The following RALY variants were observed in gnomAD, a reference collection of about 807,000 sequenced individuals.
RALY encodes RNA-binding protein Raly.
RALY carries 15 observed loss-of-function variants against 30.7 expected under a neutral mutation model. The observed-to-expected ratio is 0.49, with a 90% confidence interval of 0.33 to 0.75. The LOEUF is 0.75. Ranked by LOEUF, RALY falls within the 30% of genes least tolerant of loss-of-function variation. The pLI, the probability that RALY is intolerant of heterozygous loss-of-function variation, is 0.02. For missense variants in RALY, 339 were observed against 414.3 expected, an observed-to-expected ratio of 0.82 and a Z score of 1.58; for synonymous variants, 177 against 170.8, an observed-to-expected ratio of 1.04 and a Z score of -0.28.
chr20:34,020,913 A>T (rs1158537007), intron 1 of RALY, among the ~76,000 whole-genome samples: 1 of 152,090 alleles, frequency 6.6e-6, no homozygotes, highest in Admixed American at 6.6e-5. Flanking sequence ...GCTCAAAACT[A>T]TAAAAATCAA....
At chr20:34,007,534 C>G (rs1456138629) in intron 1 of RALY, among the ~76,000 whole-genome samples, 10 of 149,990 alleles carry the variant, frequency 6.7e-5, no homozygotes, top group Admixed American at 6.6e-4. Flanking sequence ...AAAAACAAAA[C>G]AAAAGCCAGG....
intron 1 of RALY, among the ~76,000 whole-genome samples, chr20:34,029,010 T>A (rs2032160621): frequency 1.3e-5 from 2 of 151,998 alleles, no homozygotes; most frequent in African/African-American, 4.8e-5. Context: ...TCTGGCTGTG[T>A]GGGTCTAATG....
At chr20:34,033,907 C>T (rs935029136) in intron 2 of RALY, among the ~76,000 whole-genome samples, 2 of 152,172 alleles carry the variant, frequency 1.3e-5, no homozygotes, top group Non-Finnish European at 2.9e-5. Context: ...CTACCCATAG[C>T]TTAGTCTTTC....
intron 2 of RALY, among the ~76,000 whole-genome samples, chr20:34,063,256 C>T (rs2033468335): frequency 6.6e-6 from 1 of 152,104 alleles, no homozygotes; most frequent in Admixed American, 6.6e-5. Context: ...CATGTTTGGG[C>T]CTGGAGTACC....
intron 1 of RALY, among the ~76,000 whole-genome samples, chr20:34,012,313 G>T (rs1340799209): frequency 6.6e-6 from 1 of 152,032 alleles, no homozygotes; most frequent in South Asian, 2.1e-4. Context: ...TGGTGCAAAG[G>T]GTCTATTTCT....
At chr20:33,997,518 A>G (rs1017843581) in intron 1 of RALY, among the ~76,000 whole-genome samples, 1 of 152,218 alleles carries the variant, frequency 6.6e-6, no homozygotes, top group Admixed American at 6.5e-5. Flanking sequence ...TGCAGTTATC[A>G]GGAATAACAG....
chr20:34,065,420 C>T (rs896038997), intron 2 of RALY, among the ~76,000 whole-genome samples: 15 of 152,198 alleles, frequency 9.9e-5, no homozygotes, highest in African/African-American at 3.4e-4. Context: ...GGACCTGTAG[C>T]CTGCACTGCT....
intron 2 of RALY, among the ~76,000 whole-genome samples, chr20:34,066,394 G>C (rs1436128022): frequency 1.3e-5 from 2 of 152,102 alleles, no homozygotes; most frequent in Non-Finnish European, 2.9e-5. Context: ...CAGAAGAATT[G>C]CTTGAACCCG....
chr20:34,025,970 G>A (rs143593072), intron 1 of RALY, among the ~76,000 whole-genome samples: 9 of 148,680 alleles, frequency 6.1e-5, no homozygotes, highest in African/African-American at 2.0e-4. Flanking sequence ...TTCATGATGG[G>A]GAGCTACTGG....
chr20:34,016,855 C>A (rs1164260899), intron 1 of RALY, among the ~76,000 whole-genome samples: 1 of 152,402 alleles, frequency 6.6e-6, no homozygotes, highest in East Asian at 1.9e-4. Flanking sequence ...CAGGCCCTGA[C>A]CTTCTGCCAG....
chr20:34,004,580 G>C (rs1334069761), intron 1 of RALY, among the ~76,000 whole-genome samples: 3 of 152,230 alleles, frequency 2.0e-5, no homozygotes, highest in Non-Finnish European at 2.9e-5. Flanking sequence ...CCACACTTTG[G>C]AGATGGGTGA....
At chr20:34,078,593 C>G in intron 9 of RALY, 40 bp downstream of exon 9, 1 of 1,498,142 alleles carries the variant, frequency 6.7e-7, no homozygotes. Context: ...GGTGGGGAAT[C>G]AGTGAAGTGG....
In RALY at chr20:34,076,819, A is replaced by G. The variant is rs750626511; in HGVS notation, c.658+4A>G. 8 of 1,613,476 alleles carry G rather than the reference A, an allele frequency of 5.0e-6. No homozygotes were observed. The highest frequency in any genetic ancestry group is 6.8e-6 in the Non-Finnish European group (8 of 1,179,720). ...GCGGAGCAAAAGGCCAATCCAGGTC[A>G]GCCTCTGAGGATTCTCACCCACCTC... On this transcript the variant is annotated splice_donor_region_variant and intron_variant, in intron 7 of 9. Transcript: ENST00000246194.
intron 2 of RALY, among the ~76,000 whole-genome samples, chr20:34,067,714 G>A (rs918968331): frequency 6.6e-6 from 1 of 152,100 alleles, no homozygotes; most frequent in South Asian, 2.1e-4. Flanking sequence ...AGCTTAAAAG[G>A]CCCAGCTTTT....
chr20:34,076,504 A>G (rs2033881427), intron 6 of RALY, among the ~76,000 whole-genome samples, 198 bp from the exon 7 acceptor site: 1 of 152,252 alleles, frequency 6.6e-6, no homozygotes, highest in Non-Finnish European at 1.5e-5. Context: ...AAAGATAGCC[A>G]GGTTCAGAAG....
At chr20:33,997,974 G>A (rs2284376) in intron 1 of RALY, among the ~76,000 whole-genome samples, 14,489 of 152,220 alleles carry the variant, frequency 0.095, 808 homozygotes, top group African/African-American at 0.16. Context: ...AGGTCAGTGT[G>A]TTGAATTTAT....
chr20:34,062,352 A>G (rs141029334), intron 2 of RALY, among the ~76,000 whole-genome samples: 2 of 152,280 alleles, frequency 1.3e-5, no homozygotes, highest in Admixed American at 1.3e-4. Flanking sequence ...GGACAGCATG[A>G]CCTTATTTCC....
intron 1 of RALY, among the ~76,000 whole-genome samples, chr20:34,008,152 A>G (rs902982434): frequency 1.3e-5 from 2 of 152,114 alleles, no homozygotes; most frequent in African/African-American, 2.4e-5. Context: ...TAAGTCTAGT[A>G]TGGAAGTTTT....
chr20:34,012,231 C>G (rs1171462279), intron 1 of RALY, among the ~76,000 whole-genome samples: 1 of 152,158 alleles, frequency 6.6e-6, no homozygotes, highest in Non-Finnish European at 1.5e-5. Flanking sequence ...GCTAAGGCTT[C>G]TTGGTGCAGC....
Sources: gnomAD v4.1 joint callset for allele counts (sites outside exome capture counted in the v4.1 genomes callset) on GRCh38, gnomAD v4.1.1 for gene constraint, MANE v1.5 for transcripts, NCBI Gene and HGNC (gene_info 2026-07-23, HGNC 2026-07-21) for gene names.